SAMMSON: variants seen among roughly 807,000 people sequenced by gnomAD.
SAMMSON encodes long intergenic non-protein coding RNA 1212.
At chr3:70,415,990 A>T (rs111739730) in intron 2 of SAMMSON, among the ~76,000 whole-genome samples, 39 of 152,324 alleles carry the variant, frequency 2.6e-4, no homozygotes, top group African/African-American at 8.7e-4. Context: ...ACAGAGGAAG[A>T]TCTATTTTAA....
At chr3:70,109,852 A>G (rs2067381398) in intron 4 of SAMMSON, among the ~76,000 whole-genome samples, 1 of 152,206 alleles carries the variant, frequency 6.6e-6, no homozygotes, top group Admixed American at 6.5e-5. Context: ...CTATTTGTGT[A>G]GAGGTACCTT....
At chr3:70,241,623 G>A (rs1434452242) in intron 4 of SAMMSON, among the ~76,000 whole-genome samples, 1 of 152,034 alleles carries the variant, frequency 6.6e-6, no homozygotes, top group East Asian at 1.9e-4. Context: ...CTAAGTACCT[G>A]ACCCAAGTTC....
At chr3:70,250,411 TCACACA>T (rs61355248) in intron 6 of SAMMSON, among the ~76,000 whole-genome samples, 1,406 of 124,958 alleles carry the variant, frequency 0.011, 24 homozygotes, top group African/African-American at 0.039. Context: ...TTAATGAATC[TCACACA>T]CACACACACA....
chr3:70,077,651 A>G lies in SAMMSON; in HGVS notation n.507+6086A>G, dbSNP rs559121438. Among the ~76,000 whole-genome samples, 62 of 152,310 alleles carry G rather than the reference A, an allele frequency of 4.1e-4. No individual in the cohort carries two copies. In the South Asian group the frequency reaches 5.0e-3, roughly 12 times the overall value. ...GAATATAAAACATTTTCAAAAGGAA[A>G]TAACTCAATTTCTATTGACTCGTAA... On this transcript the variant is annotated intron_variant and non_coding_transcript_variant, in intron 4 of 9. Coordinates refer to ENST00000642114, the Ensembl canonical transcript of SAMMSON.
chr3:70,233,507 A>T (rs947854823), intron 4 of SAMMSON, among the ~76,000 whole-genome samples: 1 of 152,214 alleles, frequency 6.6e-6, no homozygotes, highest in Non-Finnish European at 1.5e-5. Context: ...TATTACATAC[A>T]ATAATTGACA....
chr3:70,357,110 C>T (rs1702835831), intron 8 of SAMMSON, among the ~76,000 whole-genome samples: 1 of 151,866 alleles, frequency 6.6e-6, no homozygotes, highest in South Asian at 2.1e-4. Context: ...GAACGTGCAC[C>T]CCCAGTGGTA....
At chr3:70,158,906 C>T (rs1433202100) in intron 4 of SAMMSON, among the ~76,000 whole-genome samples, 1 of 151,930 alleles carries the variant, frequency 6.6e-6, no homozygotes, top group African/African-American at 2.4e-5. Flanking sequence ...AAAATAATTT[C>T]CTTTTAATTG....
At chr3:70,010,639 C>T (rs1017891999) in intron 1 of SAMMSON, among the ~76,000 whole-genome samples, 1 of 152,132 alleles carries the variant, frequency 6.6e-6, no homozygotes, top group Non-Finnish European at 1.5e-5. Context: ...GAGTAATTGG[C>T]TCCAGAGTGG....
chr3:70,062,107 A>G (rs1039622756), intron 3 of SAMMSON, among the ~76,000 whole-genome samples: 7 of 151,904 alleles, frequency 4.6e-5, no homozygotes, highest in African/African-American at 1.5e-4. Context: ...GCACATTGCA[A>G]CCCCATAGTC....
intron 6 of SAMMSON, among the ~76,000 whole-genome samples, chr3:70,286,361 A>T (rs1359519619): frequency 6.6e-6 from 1 of 152,072 alleles, no homozygotes; most frequent in Non-Finnish European, 1.5e-5. Context: ...CAAAGATCAG[A>T]TAGTTGTAGA....
chr3:70,163,489 T>A (rs1248128812), intron 4 of SAMMSON, among the ~76,000 whole-genome samples: 1 of 151,832 alleles, frequency 6.6e-6, no homozygotes, highest in African/African-American at 2.4e-5. Flanking sequence ...CCAGTATAGT[T>A]CCCTTCCCCC....
chr3:70,080,558 T>C (rs528588238), intron 4 of SAMMSON, among the ~76,000 whole-genome samples: 66 of 152,226 alleles, frequency 4.3e-4, no homozygotes, highest in African/African-American at 1.6e-3. Flanking sequence ...GCATGCTCTG[T>C]TTCTATTGGC....
chr3:70,306,262 C>T (rs550876920), intron 7 of SAMMSON, among the ~76,000 whole-genome samples: 36 of 152,092 alleles, frequency 2.4e-4, no homozygotes, highest in Non-Finnish European at 4.7e-4. Flanking sequence ...CGCCACCACA[C>T]GTGGCTAGCC....
At chr3:70,128,214 G>T (rs2106672206) in intron 4 of SAMMSON, among the ~76,000 whole-genome samples, 1 of 152,240 alleles carries the variant, frequency 6.6e-6, no homozygotes, top group African/African-American at 2.4e-5. Flanking sequence ...CTCCATCTAA[G>T]ACTGTCTACA....
intron 2 of SAMMSON, among the ~76,000 whole-genome samples, chr3:70,421,052 G>T (rs1215110870): frequency 6.6e-6 from 1 of 151,928 alleles, no homozygotes; most frequent in Non-Finnish European, 1.5e-5. Flanking sequence ...AAGGCCCCAG[G>T]ATTATATACA....
intron 3 of SAMMSON, among the ~76,000 whole-genome samples, chr3:70,057,669 T>C (rs2067173171): frequency 6.6e-6 from 1 of 152,142 alleles, no homozygotes; most frequent in East Asian, 1.9e-4. Flanking sequence ...TGTGTGTGTG[T>C]GTGTGTGTGT....
intron 3 of SAMMSON, among the ~76,000 whole-genome samples, chr3:70,034,226 T>C (rs1004846634): frequency 7.9e-5 from 12 of 152,170 alleles, no homozygotes; most frequent in African/African-American, 2.2e-4. Context: ...ATCACCTATA[T>C]TTCCAACACA....
intron 7 of SAMMSON, among the ~76,000 whole-genome samples, chr3:70,299,704 A>G (rs938352794): frequency 2.0e-5 from 3 of 152,098 alleles, no homozygotes; most frequent in African/African-American, 7.2e-5. Context: ...CTCTGGTTTC[A>G]GTCTCTACCC....
At chr3:70,180,703 C>T (rs950987994) in intron 4 of SAMMSON, among the ~76,000 whole-genome samples, 13 of 152,146 alleles carry the variant, frequency 8.5e-5, no homozygotes, top group Non-Finnish European at 1.5e-4. Flanking sequence ...TACTCCGAAC[C>T]CATTTAGTCT....
Sources: gnomAD v4.1 joint callset for allele counts (sites outside exome capture counted in the v4.1 genomes callset) on GRCh38, gnomAD v4.1.1 for gene constraint, MANE v1.5 for transcripts, NCBI Gene and HGNC (gene_info 2026-07-23, HGNC 2026-07-21) for gene names.